Variants in ENTPD7 observed in about 807,000 individuals in gnomAD.
ENTPD7 encodes the protein ectonucleoside triphosphate diphosphohydrolase 7.
Under a neutral mutation model 77.9 loss-of-function variants are expected in ENTPD7, and 53 were observed. The ratio of observed to expected loss-of-function variants is 0.68; its 90% CI spans 0.55 to 0.85. The LOEUF is 0.85. ENTPD7 is among the 40% of genes least tolerant of loss of function. ENTPD7 has a pLI of 0.00. For missense variants in ENTPD7, 636 were observed against 743.7 expected (o/e 0.86, Z 1.68); for synonymous variants, 248 against 274.9 (o/e 0.90, Z 0.97).
chr10:99,697,528 T>C (rs894808340), intron 9 of ENTPD7: 13 of 158,536 alleles, frequency 8.2e-5, no homozygotes, highest in African/African-American at 2.6e-4. Flanking sequence ...GTCACCTACA[T>C]CAGGTGACTG....
chr10:99,661,531 C>T lies in ENTPD7; in HGVS notation c.94C>T (p.Leu32=). Residue 32 remains leucine, a synonymous_variant, in exon 3 of 13, where the codon CTG becomes TTG. Coordinates refer to ENST00000370489, the MANE Select transcript of ENTPD7 (RefSeq NM_020354.5). Reference sequence around the variant, plus strand: ...ATTTCTCCGTCAGCGGGTGGCATTCCTGGGACTCTTCTTCATATCCTGTCT... The same window carrying T: ...ATTTCTCCGTCAGCGGGTGGCATTCTTGGGACTCTTCTTCATATCCTGTCT... ...SPFLRQRVAF[L]GLFFISCLLL... is the part of the protein sequence containing the mutation. 2 of 1,613,814 alleles carry T rather than the reference C, an allele frequency of 1.2e-6. No individual in the cohort carries two copies. Among genetic ancestry groups the T allele is most frequent in the Non-Finnish European group, 1.7e-6 (2 of 1,179,916 alleles).
At position 99,698,619 on chromosome 10, in the gene ENTPD7, AG is replaced by A. The variant is rs1363585058; in HGVS notation, c.1098del (p.Asn367ThrfsTer20). The A allele has an allele frequency of 6.2e-7, 1 of 1,614,116 alleles. No homozygotes were observed. The highest frequency in any genetic ancestry group is 8.5e-7 in the Non-Finnish European group (1 of 1,180,026). On this transcript the variant is annotated frameshift_variant, in exon 10 of 13. Transcript: ENST00000370489. LOFTEE classifies it high-confidence loss of function. ...LPVGLTDVVE[R>X]NSQVLHVRGR... is the part of the protein sequence containing the mutation. ...AGTGGGACTCACAGATGTGGTGGAG[AG>A]GAACAGCCAAGTCTTACATGTCCGA...
Position 99,698,614 on chromosome 10 carries a change from T to C in ENTPD7, c.1091T>C (p.Val364Ala). ...CTGCCAGTGGGACTCACAGATGTGG[T>C]GGAGAGGAACAGCCAAGTCTTACAT... The part of the protein sequence containing the change: ...PCLPVGLTDV[V>A]ERNSQVLHVR... Residue 364 changes from valine (V) to alanine (A), a missense_variant, in exon 10 of 13, where the codon GTG becomes GCG. Val to Ala is a moderately conservative substitution (Grantham distance 64). This residue lies in a region of ENTPD7 where 486 missense variants were observed against 556.5 expected (regional missense o/e 0.87). Coordinates refer to ENST00000370489, the MANE Select transcript of ENTPD7 (RefSeq NM_020354.5). The C allele has an allele frequency of 5.0e-6, 8 of 1,614,100 alleles. No individual in the cohort carries two copies. Among genetic ancestry groups the C allele is most frequent in the Non-Finnish European group, 6.8e-6 (8 of 1,180,010 alleles).
Position 99,709,060 on chromosome 10 carries a change from T to C in ENTPD7, c.*4377T>C. 1 of 982,650 alleles carries C rather than the reference T, an allele frequency of 1.0e-6. No homozygotes were observed. Among genetic ancestry groups the C allele is most frequent in the Non-Finnish European group, 1.2e-6 (1 of 827,360 alleles). 60.9% of individuals were successfully genotyped at this position (982,650 alleles called of 1,614,324 possible). A position where few individuals can be genotyped will look rare whatever the true frequency, so the allele number is the denominator to read the frequency against. On this transcript the variant is annotated 3_prime_UTR_variant, in exon 13 of 13. Transcript: ENST00000370489. ...ACATCTATTCTTGTTCCTGTATTTC[T>C]TTTCGTACTTTTAAATTTTATACAT...
In ENTPD7 at chr10:99,710,777, A is replaced by G; in HGVS notation, c.*6094A>G. 1.0e-6 allele frequency: 1 copy of G among 984,752 alleles called. No individual in the cohort carries two copies. The allele number at this position is 984,752 out of a possible 1,614,324, so 61.0% of individuals were successfully genotyped here. On this transcript the variant is annotated 3_prime_UTR_variant, in exon 13 of 13. Transcript: ENST00000370489. ...ATCAGTGTTGATCTCTGCAACCAAC[A>G]TTGCTTTAGGGAGTTGCTAGTCATT...
chr10:99,662,162 G>C (rs926128478), intron 3 of ENTPD7, among the ~76,000 whole-genome samples: 1 of 151,984 alleles, frequency 6.6e-6, no homozygotes, highest in African/African-American at 2.4e-5. Context: ...GGGTGTTCGG[G>C]CCATTTATAT....
In ENTPD7 at chr10:99,695,042, T is replaced by C. The variant is rs77224738; in HGVS notation, c.844-914T>C. Reference sequence around the variant, plus strand: ...AAGTATGAAGATAAAAGAGAATAAATAAATAAAGCAAAAGAGAGGCTTTGC... The same window carrying C: ...AAGTATGAAGATAAAAGAGAATAAACAAATAAAGCAAAAGAGAGGCTTTGC... On this transcript the variant is annotated intron_variant, in intron 8 of 12. Coordinates refer to ENST00000370489, the MANE Select transcript of ENTPD7 (RefSeq NM_020354.5). Among the ~76,000 whole-genome samples the C allele has an allele frequency of 1.7e-3, 264 of 152,176 alleles. 1 individual carries two copies. The highest frequency in any genetic ancestry group is 6.0e-3 in the African/African-American group (248 of 41,522).
rs114201692 is a variant in ENTPD7, at chr10:99,710,713, G to A, written c.*6030G>A. The A allele has an allele frequency of 1.4e-3, 1,417 of 985,302 alleles. 18 individuals are homozygous for A. The African/African-American group carries it at 0.023, about 16-fold the overall frequency. The allele number at this position is 985,302 out of a possible 1,614,324, so 61.0% of individuals were successfully genotyped here. A position where few individuals can be genotyped will look rare whatever the true frequency, so the allele number is the denominator to read the frequency against. On this transcript the variant is annotated 3_prime_UTR_variant, in exon 13 of 13. Transcript: ENST00000370489. ...CCACCATTCATCCCAGGACCACAAG[G>A]GTAGCTGTAGATAAACTGGTTATCC...
At chr10:99,681,213 A>G (rs563605243) in intron 5 of ENTPD7, among the ~76,000 whole-genome samples, 14 of 152,256 alleles carry the variant, frequency 9.2e-5, no homozygotes, top group African/African-American at 2.6e-4. Flanking sequence ...TCCTGATTTT[A>G]AATCTTTGGA....
At chr10:99,669,069 T>C in intron 3 of ENTPD7, among the ~76,000 whole-genome samples, 1 of 148,032 alleles carries the variant, frequency 6.8e-6, no homozygotes, top group Non-Finnish European at 1.5e-5. Flanking sequence ...GTAGAGACAG[T>C]GTCTCCCTAT....
In ENTPD7 at chr10:99,696,023, T is replaced by G. The variant is rs1352393566; in HGVS notation, c.911T>G (p.Val304Gly). The G allele has an allele frequency of 5.6e-6, 9 of 1,614,106 alleles. No individual in the cohort carries two copies. The highest frequency in any genetic ancestry group is 7.6e-6 in the Non-Finnish European group (9 of 1,180,040). Reference protein sequence around the residue: ...LGCDVQHTEHVYRVYVTTFLG... With the variant: ...LGCDVQHTEHGYRVYVTTFLG... ...TGTGATGTGCAACACACTGAACACG[T>G]GTACAGGGTTTATGTCACAACTTTT... The change falls in exon 9 of 13, where the codon GTG (valine) becomes GGG (glycine). Residue 304 changes from valine (V) to glycine (G), a missense_variant. Val to Gly is a moderately radical substitution (Grantham distance 109). Coordinates refer to ENST00000370489, the MANE Select transcript of ENTPD7 (RefSeq NM_020354.5).
At chr10:99,698,989 C>T (rs2036048947) in intron 10 of ENTPD7, 131 bp downstream of exon 10, 1 of 812,802 alleles carries the variant, frequency 1.2e-6, no homozygotes, top group Admixed American at 3.0e-5. Flanking sequence ...GCCCTTTGAA[C>T]ACTCATTTTA....
At chr10:99,668,397 A>G (rs1302167123) in intron 3 of ENTPD7, among the ~76,000 whole-genome samples, 1 of 152,134 alleles carries the variant, frequency 6.6e-6, no homozygotes, top group Non-Finnish European at 1.5e-5. Flanking sequence ...TTACTTAAGG[A>G]GGTATTGTGA....
At chr10:99,681,681 C>T (rs557234311) in intron 5 of ENTPD7, among the ~76,000 whole-genome samples, 1 of 152,336 alleles carries the variant, frequency 6.6e-6, no homozygotes, top group Admixed American at 6.5e-5. Context: ...AATTTCTCCA[C>T]AGCCCTGCCA....
chr10:99,670,214 C>T (rs1375640663), intron 3 of ENTPD7, among the ~76,000 whole-genome samples: 2 of 152,164 alleles, frequency 1.3e-5, no homozygotes, highest in Admixed American at 1.3e-4. Flanking sequence ...AGGGTAGTCA[C>T]TACCCACAAG....
chr10:99,681,784 C>A (rs1220175975), intron 5 of ENTPD7, among the ~76,000 whole-genome samples: 2 of 152,100 alleles, frequency 1.3e-5, no homozygotes, highest in African/African-American at 4.8e-5. Flanking sequence ...TCCCTGATGA[C>A]TAGGGATGTT....
Position 99,696,068 on chromosome 10 carries a change from T to G in ENTPD7, c.956T>G (p.Phe319Cys). The change falls in exon 9 of 13, where the codon TTT becomes TGT. Residue 319 changes from phenylalanine to cysteine, a missense_variant. By Grantham distance (205) the Phe-to-Cys change is radical. Around this residue, in one of 3 missense-constraint regions of ENTPD7, gnomAD observed 486 missense variants for 556.5 expected, o/e 0.87. Transcript: ENST00000370489. ...VTTFLGFGGN[F>C]ARQRYEDLVL... Reference sequence around the variant, plus strand: ...ACTTTTCTGGGTTTCGGAGGCAACTTTGCCCGGCAGCGCTACGAAGACCTT... The same window carrying G: ...ACTTTTCTGGGTTTCGGAGGCAACTGTGCCCGGCAGCGCTACGAAGACCTT... 6.2e-7 allele frequency: 1 copy of G among 1,614,196 alleles called. No homozygotes were observed. The highest frequency in any genetic ancestry group is 8.5e-7 in the Non-Finnish European group (1 of 1,180,026).
At chr10:99,671,026 T>TAAC (rs2035614082) in intron 3 of ENTPD7, among the ~76,000 whole-genome samples, 1 of 151,592 alleles carries the variant, frequency 6.6e-6, no homozygotes, top group South Asian at 2.1e-4. Flanking sequence ...TCAAAAATAA[T>TAAC]AATAATAATA....
At chr10:99,660,509 A>G (rs1192544716) in intron 2 of ENTPD7, 1 of 462,906 alleles carries the variant, frequency 2.2e-6, no homozygotes, top group African/African-American at 2.1e-5. Context: ...TTTGTGTAAA[A>G]CCGAGGGAAT....
Sources: allele counts gnomAD v4.1 joint callset (sites outside exome capture counted in the v4.1 genomes callset), GRCh38; gene constraint gnomAD v4.1.1; regional missense constraint gnomAD v4.1.1; transcripts MANE v1.5; gene names NCBI Gene and HGNC (gene_info 2026-07-23, HGNC 2026-07-21).